Variants in AMOTL1 observed in about 807,000 individuals in gnomAD.
AMOTL1 encodes angiomotin like 1, also known as angiomotin-like protein 1.
Under a neutral mutation model 102.9 loss-of-function variants are expected in AMOTL1, and 45 were observed. That is an observed-to-expected ratio of 0.44 (90% CI 0.34 to 0.56). The LOEUF is 0.56. Ranked by LOEUF, AMOTL1 falls within the 20% of genes least tolerant of loss-of-function variation. AMOTL1 has a pLI of 0.01. For missense variants in AMOTL1, 1,114 were observed against 1,225.6 expected, an observed-to-expected ratio of 0.91 and a Z score of 1.36; for synonymous variants, 481 against 484.7, an observed-to-expected ratio of 0.99 and a Z score of 0.10.
intron 3 of AMOTL1, among the ~76,000 whole-genome samples, chr11:94,807,070 A>G (rs538240461): frequency 5.3e-5 from 8 of 152,294 alleles, no homozygotes; most frequent in African/African-American, 1.7e-4. Context: ...GGTTTTTGCC[A>G]TAATAACTGA....
At position 94,746,272 on chromosome 11, in the gene AMOTL1, C is replaced by T. The variant is rs367890721; in HGVS notation, c.136+5284C>T. On this transcript the variant is annotated intron_variant, in intron 3 of 4. Coordinates refer to the AMOTL1 transcript ENST00000299004. Reference sequence around the variant, plus strand: ...GTACCATTTTCTGAGGAGGCAAAGCCCACACCTTTCCATAGCCTTTCGGTA... The same window carrying T: ...GTACCATTTTCTGAGGAGGCAAAGCTCACACCTTTCCATAGCCTTTCGGTA... 1.1e-3 allele frequency among the ~76,000 whole-genome samples: 166 copies of T among 152,128 alleles called. 5 individuals are homozygous for T. The South Asian group carries it at 0.033, about 30-fold the overall frequency.
At chr11:94,827,040 T>G (rs1443044522) in intron 4 of AMOTL1, among the ~76,000 whole-genome samples, 1 of 152,196 alleles carries the variant, frequency 6.6e-6, no homozygotes, top group Non-Finnish European at 1.5e-5. Context: ...GAATGCATGA[T>G]TCAGTGTCCA....
chr11:94,725,505 G>A (rs1030695731), intron 1 of AMOTL1, among the ~76,000 whole-genome samples: 1 of 152,104 alleles, frequency 6.6e-6, no homozygotes, highest in Admixed American at 6.5e-5. Context: ...GCAAATGTTA[G>A]GGTCAAATAA....
chr11:94,804,991 A>G (rs1951544885), intron 3 of AMOTL1, among the ~76,000 whole-genome samples: 1 of 152,248 alleles, frequency 6.6e-6, no homozygotes, highest in Non-Finnish European at 1.5e-5. Flanking sequence ...ATAAAAACTT[A>G]GGCTTAGAGA....
intron 6 of AMOTL1, among the ~76,000 whole-genome samples, chr11:94,843,015 T>C (rs1952338983): frequency 6.6e-6 from 1 of 152,196 alleles, no homozygotes. Context: ...ACTTGCAGCC[T>C]ATGTATCCAG....
At chr11:94,755,754 A>G (rs989936024) in intron 3 of AMOTL1, among the ~76,000 whole-genome samples, 1 of 152,284 alleles carries the variant, frequency 6.6e-6, no homozygotes, top group African/African-American at 2.4e-5. Flanking sequence ...CTCCAAGCCC[A>G]CGGCAGCATC....
intron 4 of AMOTL1, among the ~76,000 whole-genome samples, chr11:94,825,922 A>C (rs1248017795): frequency 6.6e-6 from 1 of 152,238 alleles, no homozygotes; most frequent in Non-Finnish European, 1.5e-5. Context: ...CAGAGAAGAG[A>C]AGCTCACTAA....
At chr11:94,717,903 T>C (rs936769948) in intron 1 of AMOTL1, among the ~76,000 whole-genome samples, 2 of 151,530 alleles carry the variant, frequency 1.3e-5, no homozygotes, top group Non-Finnish European at 3.0e-5. Flanking sequence ...CCAATAAACA[T>C]ATGAAAGAAA....
intron 12 of AMOTL1, among the ~76,000 whole-genome samples, chr11:94,870,488 C>T (rs1351790070): frequency 1.3e-5 from 2 of 152,210 alleles, no homozygotes; most frequent in Non-Finnish European, 2.9e-5. Context: ...CCTCTCCCTT[C>T]ACCATCCTGG....
intron 3 of AMOTL1, among the ~76,000 whole-genome samples, chr11:94,811,388 G>T (rs927459386): frequency 4.6e-5 from 7 of 152,086 alleles, no homozygotes; most frequent in Admixed American, 4.6e-4. Flanking sequence ...CCAGCCGCTC[G>T]GGAGGCTGAG....
At chr11:94,811,420 A>C (rs1279219782) in intron 3 of AMOTL1, among the ~76,000 whole-genome samples, 1 of 152,124 alleles carries the variant, frequency 6.6e-6, no homozygotes, top group Non-Finnish European at 1.5e-5. Flanking sequence ...CCTTGAACCC[A>C]GGAGGTGGAG....
chr11:94,863,438 C>T (rs1430932173), intron 9 of AMOTL1, among the ~76,000 whole-genome samples: 1 of 152,020 alleles, frequency 6.6e-6, no homozygotes, highest in South Asian at 2.1e-4. Context: ...ACTAAAAATA[C>T]AAAATTAGCC....
rs559166235 is a variant in AMOTL1 at position 94,834,404 on chromosome 11, G to A, written c.1648+2863G>A. On this transcript the variant is annotated intron_variant, in intron 6 of 12. Transcript: ENST00000433060. ...AGATCGAGACCATCCTGAATAACCC[G>A]GTGAAACCCTGTCTCTACTAAAAAT... Among the ~76,000 whole-genome samples the A allele has an allele frequency of 1.9e-4, 29 of 152,212 alleles. 1 individual carries two copies. Among genetic ancestry groups the A allele is most frequent in the African/African-American group, 6.5e-4 (27 of 41,534 alleles).
intron 1 of AMOTL1, among the ~76,000 whole-genome samples, chr11:94,780,429 T>C (rs759634451): frequency 2.6e-5 from 4 of 152,266 alleles, no homozygotes; most frequent in African/African-American, 4.8e-5. Flanking sequence ...GGTGTATTAT[T>C]GGTCTTCCCT....
rs140211936 is a variant in AMOTL1 at position 94,712,389 on chromosome 11, A to C, written c.-51+5792A>C. Among the ~76,000 whole-genome samples the C allele has an allele frequency of 1.6e-3, 250 of 152,188 alleles. 1 individual carries two copies. The highest frequency in any genetic ancestry group is 5.6e-3 in the African/African-American group (232 of 41,568). On this transcript the variant is annotated intron_variant, in intron 1 of 4. Transcript: ENST00000299004. ...ATTTAAATGTAAGACCTCAAACTAT[A>C]AAAATCCTACAAGAAAACCTAGAAA...
intron 1 of AMOTL1, among the ~76,000 whole-genome samples, chr11:94,712,056 A>C (rs1261820198): frequency 6.6e-6 from 1 of 152,098 alleles, no homozygotes; most frequent in Non-Finnish European, 1.5e-5. Context: ...ATTTTATGTT[A>C]CCACCAGCAA....
intron 3 of AMOTL1, among the ~76,000 whole-genome samples, chr11:94,820,052 C>T (rs1951836354): frequency 6.6e-6 from 1 of 152,174 alleles, no homozygotes; most frequent in East Asian, 1.9e-4. Flanking sequence ...GACTCTTGAG[C>T]TCTAGACCTC....
At chr11:94,815,631 CTTAT>C (rs1417522136) in intron 3 of AMOTL1, among the ~76,000 whole-genome samples, 4 of 151,604 alleles carry the variant, frequency 2.6e-5, no homozygotes, top group Non-Finnish European at 5.9e-5. Flanking sequence ...GAAATGTGTT[CTTAT>C]TTAAAGGAAA....
intron 12 of AMOTL1, among the ~76,000 whole-genome samples, chr11:94,870,087 C>T (rs1952965786): frequency 6.6e-6 from 1 of 152,114 alleles, no homozygotes; most frequent in African/African-American, 2.4e-5. Flanking sequence ...AAAGGAGTAC[C>T]ATGGCCATGG....
Sources: allele counts gnomAD v4.1 joint callset (sites outside exome capture counted in the v4.1 genomes callset), GRCh38; gene constraint gnomAD v4.1.1; transcripts MANE v1.5; gene names NCBI Gene and HGNC (gene_info 2026-07-23, HGNC 2026-07-21).